The following SPI1 variants were observed in gnomAD, a reference collection of about 807,000 sequenced individuals.
SPI1 encodes the protein Spi-1 proto-oncogene.
SPI1 carries 3 observed loss-of-function variants against 30.7 expected under a neutral mutation model. The ratio of observed to expected loss-of-function variants is 0.10; its 90% CI spans 0.04 to 0.25. The LOEUF (loss-of-function observed/expected upper bound fraction) is 0.25. Among genes scored for constraint, SPI1 ranks in the 10% least tolerant of loss-of-function variants. The pLI is 1.00. For synonymous variants in SPI1, 169 were observed against 157.1 expected, an observed-to-expected ratio of 1.08 and a Z score of -0.56; for missense variants, 261 against 371.5, an observed-to-expected ratio of 0.70 and a Z score of 2.45.
chr11:47,375,206 G>C lies in SPI1; in HGVS notation c.142+427C>G, dbSNP rs1256774693. Among the ~76,000 whole-genome samples the C allele has an allele frequency of 2.0e-5, 3 of 152,352 alleles. No homozygotes were observed. The highest frequency in any genetic ancestry group is 3.4e-3 in the Middle Eastern group (1 of 294). On this transcript the variant is annotated intron_variant, in intron 2 of 4. Transcript: ENST00000378538. This position sits in a 1 kb window ranked among gnomAD's most constrained non-coding sequence, Gnocchi z 4.2. ...CAGGAAGTGCGGATGTGCCGGCGGG[G>C]AGTTTGGGACAGAGAGTGACGAGAA... is the stretch of plus-strand genomic sequence containing the variant.
At chr11:47,357,286 C>T (rs1294440684) in intron 4 of SPI1, among the ~76,000 whole-genome samples, 1 of 78,210 alleles carries the variant, frequency 1.3e-5, no homozygotes, top group African/African-American at 5.7e-5. Context: ...CACAGCTGCT[C>T]ACTTATCACT....
intron 2 of SPI1, among the ~76,000 whole-genome samples, chr11:47,366,468 G>A (rs1231817563): frequency 2.0e-5 from 3 of 152,122 alleles, no homozygotes; most frequent in Non-Finnish European, 4.4e-5. Context: ...TGAGGAATCA[G>A]GAAAGGAGGG....
At chr11:47,376,394 C>T (rs1396655041) in intron 1 of SPI1, among the ~76,000 whole-genome samples, 3 of 152,112 alleles carry the variant, frequency 2.0e-5, no homozygotes, top group Non-Finnish European at 4.4e-5. Context: ...CAGCCTATGC[C>T]TCTCACACAG....
chr11:47,357,357 A>T (rs1378477993), intron 4 of SPI1, among the ~76,000 whole-genome samples: 1 of 78,762 alleles, frequency 1.3e-5, no homozygotes, highest in African/African-American at 5.6e-5. Flanking sequence ...ATTTCACACC[A>T]CTTACACTTG....
intron 1 of SPI1, among the ~76,000 whole-genome samples, chr11:47,377,495 C>T (rs566657166): frequency 6.6e-6 from 1 of 152,208 alleles, no homozygotes; most frequent in Non-Finnish European, 1.5e-5. Flanking sequence ...TGGCGATCTG[C>T]CCTTCTCTTC....
At chr11:47,358,265 CCTG>C (rs761028770) in intron 4 of SPI1, 6 of 458,162 alleles carry the variant, frequency 1.3e-5, no homozygotes, top group African/African-American at 5.9e-5. Context: ...TGCTCACACA[CCTG>C]CTGTCACACC....
In SPI1 at chr11:47,374,498, A is replaced by C. The variant is rs1174518873; in HGVS notation, c.142+1135T>G. Among the ~76,000 whole-genome samples the C allele has an allele frequency of 6.6e-6, 1 of 152,082 alleles. No homozygotes were observed. Among genetic ancestry groups the C allele is most frequent in the African/African-American group, 2.4e-5 (1 of 41,382 alleles). On this transcript the variant is annotated intron_variant, in intron 2 of 4. Transcript: ENST00000378538. The surrounding 1 kb of genome is among the most constrained non-coding windows in gnomAD (Gnocchi z 4.5). ...CCCTAGCTGGGCCCATCAGGTTTAG[A>C]CCGCCACAGGTGCATCTGCAGAATG...
intron 2 of SPI1, among the ~76,000 whole-genome samples, chr11:47,368,257 C>T (rs1374255195): frequency 1.3e-5 from 2 of 152,036 alleles, no homozygotes; most frequent in Admixed American, 6.6e-5. Flanking sequence ...CCCAGCTACT[C>T]GGGATTCTGA....
At chr11:47,357,079 T>G (rs184655438) in intron 4 of SPI1, among the ~76,000 whole-genome samples, 8 of 147,686 alleles carry the variant, frequency 5.4e-5, no homozygotes, top group African/African-American at 2.0e-4. Context: ...ATGCTAACAC[T>G]TCACACATGC....
intron 4 of SPI1, among the ~76,000 whole-genome samples, chr11:47,356,614 C>T (rs1469921456): frequency 6.6e-6 from 1 of 151,404 alleles, no homozygotes; most frequent in Non-Finnish European, 1.5e-5. Context: ...CCTGCTTATA[C>T]TTGCTTACAC....
chr11:47,358,245 CAT>C (rs2142882087), intron 4 of SPI1: 2 of 411,810 alleles, frequency 4.9e-6, no homozygotes, highest in East Asian at 4.5e-5. Context: ...CACATTCACA[CAT>C]ATACACTTGC....
rs2095945459 is a variant in SPI1, at chr11:47,378,498, G to A, written c.-145C>T. 3 of 782,378 alleles carry A rather than the reference G, an allele frequency of 3.8e-6. No homozygotes were observed. Among genetic ancestry groups the A allele is most frequent in the Non-Finnish European group, 6.2e-6 (3 of 483,162 alleles). 48.5% of individuals were successfully genotyped at this position (782,378 alleles called of 1,614,324 possible). ...TGCCCCCTGAGCTACAGGAGCCCTG[G>A]GTGAGCCCCCTCCCTTGACATTGCA... On this transcript the variant is annotated 5_prime_UTR_variant, in exon 1 of 5. Coordinates refer to ENST00000378538, the MANE Select transcript of SPI1 (RefSeq NM_003120.3).
intron 2 of SPI1, 137 bp from the exon 3 acceptor site, chr11:47,360,177 A>C: frequency 1.4e-6 from 1 of 735,888 alleles, no homozygotes; most frequent in Non-Finnish European, 2.1e-6. Flanking sequence ...CTGCATGGTT[A>C]CTCTAGGCCT....
At chr11:47,372,133 G>C (rs1158331837) in intron 2 of SPI1, among the ~76,000 whole-genome samples, 2 of 146,530 alleles carry the variant, frequency 1.4e-5, no homozygotes, top group Admixed American at 1.4e-4. Context: ...CTGGAGTCTC[G>C]CTTTGTCTGT....
At chr11:47,362,042 T>A (rs1307026994) in intron 2 of SPI1, among the ~76,000 whole-genome samples, 1 of 152,178 alleles carries the variant, frequency 6.6e-6, no homozygotes, top group Non-Finnish European at 1.5e-5. Flanking sequence ...GCTCAAGTTC[T>A]GGCTCTGCCA....
At chr11:47,368,834 T>C (rs1253413544) in intron 2 of SPI1, among the ~76,000 whole-genome samples, 1 of 152,026 alleles carries the variant, frequency 6.6e-6, no homozygotes, top group Admixed American at 6.6e-5. Flanking sequence ...ATTATAGAGA[T>C]GGATGGTGAT....
chr11:47,361,538 G>A (rs2095920788), intron 2 of SPI1, among the ~76,000 whole-genome samples: 1 of 152,166 alleles, frequency 6.6e-6, no homozygotes, highest in African/African-American at 2.4e-5. Flanking sequence ...ACACATCTGC[G>A]GGACTTCCTG....
chr11:47,368,795 C>T (rs2095931818), intron 2 of SPI1, among the ~76,000 whole-genome samples: 1 of 152,050 alleles, frequency 6.6e-6, no homozygotes, highest in African/African-American at 2.4e-5. Context: ...TCAGTGAATA[C>T]AGAGTCTCCG....
chr11:47,373,078 C>A lies in SPI1; in HGVS notation c.142+2555G>T, dbSNP rs145197492. Among the ~76,000 whole-genome samples the A allele has an allele frequency of 3.7e-3, 571 of 152,280 alleles. 2 individuals carry two copies. The highest frequency in any genetic ancestry group is 0.013 in the African/African-American group (539 of 41,566). ...TATAAAAAGGGACAGCCCGGCCGGGCGCAGTGGCTCACGCCTGTAATCCCA... is the reference window on the plus strand; with the variant it reads ...TATAAAAAGGGACAGCCCGGCCGGGAGCAGTGGCTCACGCCTGTAATCCCA... On this transcript the variant is annotated intron_variant, in intron 2 of 4. Coordinates refer to ENST00000378538, the MANE Select transcript of SPI1 (RefSeq NM_003120.3).
Sources: gnomAD v4.1 joint callset for allele counts (sites outside exome capture counted in the v4.1 genomes callset) on GRCh38, gnomAD v4.1.1 for gene constraint, Gnocchi (gnomAD v3.1) non-coding constraint, MANE v1.5 for transcripts, NCBI Gene and HGNC (gene_info 2026-07-23, HGNC 2026-07-21) for gene names.